OPRM1: variants seen among roughly 807,000 people sequenced by gnomAD.
OPRM1 encodes opioid receptor mu 1.
In OPRM1, 27 loss-of-function variants were observed where a neutral mutation model predicts 31.8. The observed-to-expected ratio is 0.85, with a 90% confidence interval of 0.63 to 1.17. The LOEUF is 1.17. OPRM1 is among the 50% of genes most tolerant of loss of function. The probability of loss-of-function intolerance (pLI) is 0.00; values close to 1 mark genes in which losing one functional copy is unlikely to be tolerated. For synonymous variants in OPRM1, 196 were observed against 189.9 expected (o/e 1.03, Z -0.26); for missense variants, 536 against 511.1 (o/e 1.05, Z -0.47).
At chr6:154,099,282 CGAAA>C (rs749829164) in intron 3 of OPRM1, among the ~76,000 whole-genome samples, 1 of 101,426 alleles carries the variant, frequency 9.9e-6, no homozygotes, top group Non-Finnish European at 2.0e-5. Flanking sequence ...GAGAGTCTGT[CGAAA>C]GGAAGGAAGG....
intron 3 of OPRM1, among the ~76,000 whole-genome samples, chr6:154,111,793 G>T (rs910094048): frequency 1.3e-5 from 2 of 151,740 alleles, no homozygotes; most frequent in African/African-American, 4.8e-5. Flanking sequence ...TTGAGACCGA[G>T]TCTCGCTCTG....
intron 3 of OPRM1, among the ~76,000 whole-genome samples, chr6:154,231,452 T>C (rs1466986690): frequency 6.6e-6 from 1 of 152,246 alleles, no homozygotes; most frequent in East Asian, 1.9e-4. Context: ...CATTGCAGCA[T>C]TGTTTGTATT....
At chr6:154,056,654 C>A (rs763993013) in intron 1 of OPRM1, among the ~76,000 whole-genome samples, 1 of 151,914 alleles carries the variant, frequency 6.6e-6, no homozygotes, top group Admixed American at 6.6e-5. Context: ...GCTGTGGGAA[C>A]AAGGAGATCA....
intron 3 of OPRM1, among the ~76,000 whole-genome samples, chr6:154,195,399 G>A (rs371078493): frequency 4.4e-4 from 67 of 152,004 alleles, no homozygotes; most frequent in Middle Eastern, 6.8e-3. Context: ...CGCCCACCTC[G>A]GCCTCCCAAA....
chr6:154,220,697 T>C (rs527416238), intron 3 of OPRM1, among the ~76,000 whole-genome samples: 109 of 152,206 alleles, frequency 7.2e-4, no homozygotes, highest in Non-Finnish European at 1.3e-3. Flanking sequence ...TCTAAACCAT[T>C]AGGAATGGTG....
chr6:154,071,752 G>T (rs12213257), intron 1 of OPRM1, among the ~76,000 whole-genome samples: 1 of 152,188 alleles, frequency 6.6e-6, no homozygotes, highest in Non-Finnish European at 1.5e-5. Context: ...AAGCATGTAA[G>T]GCTAGAGTTG....
At chr6:154,026,337 C>A (rs199712510) in intron 1 of OPRM1, among the ~76,000 whole-genome samples, 1 of 151,782 alleles carries the variant, frequency 6.6e-6, no homozygotes, top group Admixed American at 6.6e-5. Context: ...TTGTTTGTTT[C>A]TTTTTTATTG....
chr6:154,195,179 G>T (rs549719835), intron 3 of OPRM1, among the ~76,000 whole-genome samples: 1 of 126,964 alleles, frequency 7.9e-6, no homozygotes. Flanking sequence ...ACAGAATCTC[G>T]CTCTGTCACC....
intron 3 of OPRM1, chr6:154,108,761 G>A (rs757057862): frequency 1.3e-4 from 127 of 985,112 alleles, no homozygotes; most frequent in Admixed American, 5.5e-4. Context: ...CTCTAACCCC[G>A]CTTTATAAAC....
intron 1 of OPRM1, among the ~76,000 whole-genome samples, chr6:154,076,421 C>T (rs1480585451): frequency 4.6e-5 from 7 of 152,080 alleles, no homozygotes; most frequent in African/African-American, 7.2e-5. Context: ...AATTCATAGA[C>T]GAGGCAGTAC....
rs578205290 is a variant in OPRM1, at chr6:154,234,954, C to T, written c.1165-11739C>T. 5.9e-5 allele frequency among the ~76,000 whole-genome samples: 9 copies of T among 152,314 alleles called. No homozygotes were observed. The South Asian group carries it at 8.3e-4, about 14-fold the overall frequency. On this transcript the variant is annotated intron_variant, in intron 3 of 3. Coordinates refer to the OPRM1 transcript ENST00000337049. ...CAGTCTCATCTCTGCCCTATTCTTT[C>T]GGAAGCTTTAAAACCCCAAATGTGC...
intron 3 of OPRM1, among the ~76,000 whole-genome samples, chr6:154,192,334 G>GTGTGTT (rs1801973085): frequency 6.6e-6 from 1 of 151,980 alleles, no homozygotes; most frequent in African/African-American, 2.4e-5. Flanking sequence ...GTGTGTGTGT[G>GTGTGTT]TGTGTGTGTG....
At position 154,039,273 on chromosome 6, in the gene OPRM1, C is replaced by A; in HGVS notation, c.-272C>A. 6.4e-7 allele frequency: 1 copy of A among 1,551,652 alleles called. No homozygotes were observed. Among genetic ancestry groups the A allele is most frequent in the South Asian group, 1.2e-5 (1 of 84,034 alleles). On this transcript the variant is annotated 5_prime_UTR_variant, in exon 1 of 4. Coordinates refer to ENST00000330432, the MANE Select transcript of OPRM1 (RefSeq NM_000914.5). ...CTTCCAGCCTCCGAATCCCGCATGGCCCACGCTCCCCTCCTGCAGCGGTGC... is the reference window on the plus strand; with the variant it reads ...CTTCCAGCCTCCGAATCCCGCATGGACCACGCTCCCCTCCTGCAGCGGTGC...
intron 3 of OPRM1, among the ~76,000 whole-genome samples, chr6:154,209,263 G>A (rs1274424626): frequency 6.6e-6 from 1 of 151,940 alleles, no homozygotes; most frequent in African/African-American, 2.4e-5. Context: ...CCAAAAACTT[G>A]GGGAAAAAAA....
At chr6:154,075,734 T>A (rs1432085068) in intron 1 of OPRM1, among the ~76,000 whole-genome samples, 1 of 152,154 alleles carries the variant, frequency 6.6e-6, no homozygotes, top group Admixed American at 6.5e-5. Context: ...AGTGCTCCTA[T>A]GCAGAGGGCT....
chr6:154,150,970 C>T (rs1562509678), intron 3 of OPRM1, among the ~76,000 whole-genome samples: 1 of 152,202 alleles, frequency 6.6e-6, no homozygotes, highest in South Asian at 2.1e-4. Context: ...TGGCACTCAG[C>T]GACTACTTTC....
chr6:154,242,329 T>C (rs1780662971), intron 3 of OPRM1, among the ~76,000 whole-genome samples: 1 of 152,198 alleles, frequency 6.6e-6, no homozygotes, highest in African/African-American at 2.4e-5. Flanking sequence ...TGGAAATCCT[T>C]TCCTGGAAAA....
chr6:154,229,344 C>CG (rs1260954809), intron 3 of OPRM1, among the ~76,000 whole-genome samples: 2 of 139,036 alleles, frequency 1.4e-5, no homozygotes, highest in African/African-American at 5.3e-5. Context: ...AAAAGTTTGC[C>CG]GGTTTTTTTT....
At chr6:154,102,918 CAA>C (rs58694186) in intron 3 of OPRM1, among the ~76,000 whole-genome samples, 3,300 of 80,730 alleles carry the variant, frequency 0.041, 102 homozygotes, top group African/African-American at 0.11. Flanking sequence ...TAACCAGTTG[CAA>C]AAAAAAAAAA....
Sources: allele counts gnomAD v4.1 joint callset (sites outside exome capture counted in the v4.1 genomes callset), GRCh38; gene constraint gnomAD v4.1.1; transcripts MANE v1.5; gene names NCBI Gene and HGNC (gene_info 2026-07-23, HGNC 2026-07-21).